The following TJP1 variants were observed in gnomAD, a reference collection of about 807,000 sequenced individuals.
TJP1 encodes tight junction protein ZO-1.
Under a neutral mutation model 194.2 loss-of-function variants are expected in TJP1, and 43 were observed. The observed-to-expected ratio is 0.22, with a 90% CI of 0.17 to 0.29. The LOEUF (loss-of-function observed/expected upper bound fraction) is 0.29, where lower values mean the gene tolerates loss of function less well. Ranked by LOEUF, TJP1 falls within the 10% of genes least tolerant of loss-of-function variation. TJP1 has a pLI of 1.00. For synonymous variants in TJP1, 801 were observed against 779.0 expected, an observed-to-expected ratio of 1.03 and a Z score of -0.47; for missense variants, 1,971 against 2,185.7, an observed-to-expected ratio of 0.90 and a Z score of 1.96.
chr15:29,793,733 T>C (rs546662117), intron 2 of TJP1, among the ~76,000 whole-genome samples: 27 of 152,264 alleles, frequency 1.8e-4, no homozygotes, highest in Non-Finnish European at 3.8e-4. Flanking sequence ...CCAATCACGT[T>C]CCACCAGGCC....
At chr15:29,858,667 C>T (rs555898246) in intron 2 of TJP1, among the ~76,000 whole-genome samples, 5 of 151,956 alleles carry the variant, frequency 3.3e-5, no homozygotes, top group South Asian at 4.2e-4. Flanking sequence ...CCTCAGCCTC[C>T]GAGTAGCTGG....
intron 1 of TJP1, among the ~76,000 whole-genome samples, chr15:29,811,093 T>C (rs532726597): frequency 1.4e-4 from 21 of 152,036 alleles, no homozygotes; most frequent in Non-Finnish European, 2.8e-4. Flanking sequence ...GTACACTTGC[T>C]AGGAACCAAA....
Position 29,705,550 on chromosome 15 carries a change from A to T in TJP1, c.5046T>A (p.Leu1682=). 6.2e-7 allele frequency: 1 copy of T among 1,614,218 alleles called. No individual in the cohort carries two copies. The highest frequency in any genetic ancestry group is 1.1e-5 in the South Asian group (1 of 91,084). Reference sequence around the variant, plus strand: ...TACCTTTCTCTTTATCTAAAGGTGGAAGGATGCTGTTGTCCCGGCAGACCT... The same window carrying T: ...TACCTTTCTCTTTATCTAAAGGTGGTAGGATGCTGTTGTCCCGGCAGACCT... ...YFKVCRDNSI[L]PPLDKEKGET... is the part of the protein sequence containing the mutation. Residue 1682 remains leucine, a synonymous_variant, in exon 26 of 28, where the codon CTT becomes CTA. Coordinates refer to ENST00000614355, the MANE Select transcript of TJP1 (RefSeq NM_001330239.4).
intron 2 of TJP1, among the ~76,000 whole-genome samples, chr15:29,875,832 G>C (rs1458735766): frequency 6.6e-6 from 1 of 152,112 alleles, no homozygotes; most frequent in East Asian, 1.9e-4. Flanking sequence ...CCAAAGTGCT[G>C]GGATTACAGA....
intron 8 of TJP1, among the ~76,000 whole-genome samples, chr15:29,745,301 T>G (rs2044690846): frequency 2.7e-4 from 4 of 14,816 alleles, no homozygotes. Context: ...CCCAAAATAT[T>G]GAAAAAAAAA....
intron 2 of TJP1, among the ~76,000 whole-genome samples, chr15:29,948,876 G>A (rs113006113): frequency 6.6e-4 from 100 of 151,964 alleles, no homozygotes; most frequent in Non-Finnish European, 1.2e-3. Context: ...AAGAGAAGAA[G>A]GCTCAATCAC....
intron 2 of TJP1, among the ~76,000 whole-genome samples, chr15:29,778,579 T>A (rs1808959755): frequency 1.3e-5 from 2 of 152,114 alleles, no homozygotes; most frequent in African/African-American, 4.8e-5. Flanking sequence ...ATCCAATAGA[T>A]CCTTGCCCCA....
At chr15:29,822,477 G>GCCGGC, upstream of TJP1, 11 of 984,882 alleles carry the variant, frequency 1.1e-5, no homozygotes, top group Non-Finnish European at 1.3e-5. Flanking sequence ...ACGCAAACCT[G>GCCGGC]CCGGCCCGGC....
Position 29,761,133 on chromosome 15 carries a change from T to C in TJP1, c.1010+6A>G, listed in dbSNP as rs746089211. On this transcript the variant is annotated splice_donor_region_variant and intron_variant, in intron 8 of 27. Transcript: ENST00000614355. ...CTGTATTTTTTAAAAAAATAGGGTG[T>C]CTTACCTGCCATTGCTTGGCTGCTG... is the stretch of plus-strand genomic sequence containing the variant. 7.6e-6 allele frequency: 12 copies of C among 1,586,716 alleles called. No homozygotes were observed. The highest frequency in any genetic ancestry group is 9.4e-6 in the Non-Finnish European group (11 of 1,166,512).
At chr15:29,843,508 A>G (rs987542320) in intron 2 of TJP1, among the ~76,000 whole-genome samples, 2 of 152,126 alleles carry the variant, frequency 1.3e-5, no homozygotes, top group African/African-American at 4.8e-5. Context: ...TTTTTCTATC[A>G]ATGCAAAGTT....
chr15:29,824,287 T>C (rs2050609461), upstream of TJP1, among the ~76,000 whole-genome samples: 1 of 149,830 alleles, frequency 6.7e-6, no homozygotes, highest in African/African-American at 2.5e-5. Context: ...CTACTAAAAA[T>C]AGGAAAGTAG....
intron 2 of TJP1, among the ~76,000 whole-genome samples, chr15:29,918,521 G>A (rs1286301084): frequency 6.6e-6 from 1 of 152,144 alleles, no homozygotes; most frequent in Non-Finnish European, 1.5e-5. Context: ...GGTTGTTTGA[G>A]CTCAGGAGTC....
At chr15:29,904,114 C>T (rs970867493) in intron 2 of TJP1, among the ~76,000 whole-genome samples, 2 of 152,160 alleles carry the variant, frequency 1.3e-5, no homozygotes, top group East Asian at 1.9e-4. Context: ...GGATAAAGGA[C>T]GGAGACCAGG....
chr15:29,746,853 T>G (rs2044821156), intron 8 of TJP1, among the ~76,000 whole-genome samples: 1 of 152,096 alleles, frequency 6.6e-6, no homozygotes, highest in South Asian at 2.1e-4. Context: ...TGGAGGTGTA[T>G]TCTACTTTTA....
At chr15:29,870,542 A>T (rs1043619782) in intron 2 of TJP1, among the ~76,000 whole-genome samples, 3 of 152,222 alleles carry the variant, frequency 2.0e-5, no homozygotes, top group Non-Finnish European at 4.4e-5. Flanking sequence ...TCCTGTAAAC[A>T]GGCAGGCTAG....
chr15:29,735,073 G>T (rs1005485421), intron 11 of TJP1, among the ~76,000 whole-genome samples: 1 of 152,166 alleles, frequency 6.6e-6, no homozygotes, highest in Non-Finnish European at 1.5e-5. Flanking sequence ...TGCAGGCTCA[G>T]TGTTTGCCAA....
In TJP1 at chr15:29,700,721, C is replaced by CAAAAAAAAAAAAAAAA. The variant is rs11464931; in HGVS notation, c.*873_*874insTTTTTTTTTTTTTTTT. On this transcript the variant is annotated 3_prime_UTR_variant, in exon 28 of 28. Transcript: ENST00000614355. ...ACAGAAAACCACCACTGCCCCTTGT[C>CAAAAAAAAAAAAAAAA]AAAAAAAAAAAAAAAGAAAAGAAAA... 5 of 140,800 alleles carry CAAAAAAAAAAAAAAAA rather than the reference C, an allele frequency of 3.6e-5. No homozygotes were observed. Among genetic ancestry groups the CAAAAAAAAAAAAAAAA allele is most frequent in the African/African-American group, 3.5e-5 (1 of 28,742 alleles). 8.7% of individuals were successfully genotyped at this position (140,800 alleles called of 1,614,324 possible). A position where few individuals can be genotyped will look rare whatever the true frequency, so the allele number is the denominator to read the frequency against.
rs145785806 is a variant in TJP1 at position 29,839,538 on chromosome 15, A to G, written c.307-38836T>C. Among the ~76,000 whole-genome samples, 733 of 152,220 alleles carry G rather than the reference A, an allele frequency of 4.8e-3. 15 individuals are homozygous for G. In the East Asian group the frequency reaches 0.074, roughly 15 times the overall value. On this transcript the variant is annotated intron_variant, in intron 2 of 28. Transcript: ENST00000356107. The stretch of plus-strand genomic sequence containing the variant: ...TGTGCACCTGTAGTCCCAGCTACTC[A>G]GGAGGCTGAGGTGGGAGGATTGAGC...
rs1486846464 is a variant in TJP1, at chr15:29,800,705, G to A, written c.28-3C>T. 1.9e-6 allele frequency: 3 copies of A among 1,612,930 alleles called. No homozygotes were observed. Among genetic ancestry groups the A allele is most frequent in the East Asian group, 2.2e-5 (1 of 44,818 alleles). On this transcript the variant is annotated splice_polypyrimidine_tract_variant and splice_region_variant and intron_variant, in intron 1 of 27. Transcript: ENST00000614355. ...GCTGTTTCCTCCATTGCTGTGCTCTGATAAAGGAAAAGAAAAACAAATCAT... is the reference window on the plus strand; with the variant it reads ...GCTGTTTCCTCCATTGCTGTGCTCTAATAAAGGAAAAGAAAAACAAATCAT...
Sources: allele counts gnomAD v4.1 joint callset (sites outside exome capture counted in the v4.1 genomes callset), GRCh38; gene constraint gnomAD v4.1.1; transcripts MANE v1.5; gene names NCBI Gene and HGNC (gene_info 2026-07-23, HGNC 2026-07-21).